Variants in CAPZA2 observed in about 807,000 individuals in gnomAD.
CAPZA2 encodes the protein capping actin protein of muscle Z-line subunit alpha 2.
In CAPZA2, 13 loss-of-function variants were observed where a neutral mutation model predicts 44.0. The ratio of observed to expected loss-of-function variants is 0.30; its 90% CI spans 0.19 to 0.47. CAPZA2 has a LOEUF of 0.47. CAPZA2 is among the 20% of genes least tolerant of loss of function. CAPZA2 has a pLI of 1.00. For synonymous variants in CAPZA2, 94 were observed against 108.2 expected (o/e 0.87, Z 0.81); for missense variants, 244 against 338.6 (o/e 0.72, Z 2.19).
intron 1 of CAPZA2, among the ~76,000 whole-genome samples, chr7:116,885,217 G>A (rs1325939695): frequency 6.6e-6 from 1 of 151,522 alleles, no homozygotes; most frequent in Non-Finnish European, 1.5e-5. Flanking sequence ...CCACAGAGCA[G>A]GTTTTACATT....
intron 4 of CAPZA2, among the ~76,000 whole-genome samples, chr7:116,899,650 G>C (rs529881736): frequency 5.9e-5 from 5 of 84,150 alleles, no homozygotes; most frequent in Non-Finnish European, 1.1e-4. Flanking sequence ...TTATCTCTGG[G>C]AAGATTTGGG....
At position 116,920,244 on chromosome 7, in the gene CAPZA2, CAAAATAATA is replaced by C. The variant is rs2061103313; in HGVS notation, c.*2379_*2387del. ...TGGGTGACACAGGGAGCCTCTGTCTCAAAATAATAATAATAATAAAAGAATGGCATTTAT... is the reference window on the plus strand; with the variant it reads ...TGGGTGACACAGGGAGCCTCTGTCTCATAATAATAAAAGAATGGCATTTAT... On this transcript the variant is annotated 3_prime_UTR_variant, in exon 10 of 10. Coordinates refer to ENST00000361183, the MANE Select transcript of CAPZA2 (RefSeq NM_006136.3). 1 of 141,802 alleles carries C rather than the reference CAAAATAATA, an allele frequency of 7.1e-6. No homozygotes were observed. Among genetic ancestry groups the C allele is most frequent in the African/African-American group, 2.5e-5 (1 of 39,488 alleles). 8.8% of individuals were successfully genotyped at this position (141,802 alleles called of 1,614,324 possible).
intron 6 of CAPZA2, among the ~76,000 whole-genome samples, chr7:116,908,658 A>G (rs1466941540): frequency 1.3e-5 from 2 of 152,052 alleles, no homozygotes; most frequent in African/African-American, 2.4e-5. Context: ...TTTCATAATC[A>G]ATGGTTATAT....
At chr7:116,862,938 G>A (rs1302277122) in intron 1 of CAPZA2, among the ~76,000 whole-genome samples, 1 of 152,184 alleles carries the variant, frequency 6.6e-6, no homozygotes, top group Non-Finnish European at 1.5e-5. Flanking sequence ...CGCGGGCGCG[G>A]GGGAGGGCGG....
chr7:116,872,244 G>A (rs1796562962), intron 1 of CAPZA2, among the ~76,000 whole-genome samples: 1 of 152,128 alleles, frequency 6.6e-6, no homozygotes, highest in African/African-American at 2.4e-5. Flanking sequence ...ATTCTAGGGT[G>A]TATAAGGGAA....
intron 4 of CAPZA2, among the ~76,000 whole-genome samples, chr7:116,899,436 G>T (rs1013476931): frequency 6.6e-6 from 1 of 151,852 alleles, no homozygotes; most frequent in South Asian, 2.1e-4. Context: ...GAACATAAGA[G>T]AAAGTTCTTA....
Position 116,916,101 on chromosome 7 carries a change from A to C in CAPZA2, c.699A>C (p.Glu233Asp), listed in dbSNP as rs1791676191. ...CAAAAGAATTTATAAAGATTGTAGA[A>C]GCTGCAGAAAATGAATACCAGGTAT... ...QTAKEFIKIVEAAENEYQTAI... is the reference protein window; with the variant it reads ...QTAKEFIKIVDAAENEYQTAI... The change falls in exon 9 of 10, where the codon GAA (glutamate) becomes GAC (aspartate). Residue 233 changes from glutamate to aspartate, a missense_variant. Transcript: ENST00000361183. 6.5e-7 allele frequency: 1 copy of C among 1,542,146 alleles called. No homozygotes were observed. Among genetic ancestry groups the C allele is most frequent in the Non-Finnish European group, 8.7e-7 (1 of 1,150,642 alleles).
chr7:116,906,298 T>C lies in CAPZA2; in HGVS notation c.462T>C (p.Ile154=). Residue 154 remains isoleucine (I), a synonymous_variant, in exon 6 of 10, where the codon ATT becomes ATC. Coordinates refer to ENST00000361183, the MANE Select transcript of CAPZA2 (RefSeq NM_006136.3). ...AAAAAATAGATGGACAGCAAACCAT[T>C]ATTGCATGCATAGAAAGCCATCAGT... The part of the protein sequence containing the change: ...YGKKIDGQQT[I]IACIESHQFQ... 6.2e-7 allele frequency: 1 copy of C among 1,612,988 alleles called. No homozygotes were observed. Among genetic ancestry groups the C allele is most frequent in the Non-Finnish European group, 8.5e-7 (1 of 1,179,798 alleles).
intron 1 of CAPZA2, among the ~76,000 whole-genome samples, chr7:116,870,492 C>T (rs1384317477): frequency 6.6e-6 from 1 of 152,120 alleles, no homozygotes; most frequent in Non-Finnish European, 1.5e-5. Context: ...AGGGTTTTTC[C>T]ATCTCATCAA....
At chr7:116,874,644 A>T (rs957454666) in intron 1 of CAPZA2, 1 of 152,224 alleles carries the variant, frequency 6.6e-6, no homozygotes, top group Non-Finnish European at 1.5e-5. Flanking sequence ...GCATCTCCTG[A>T]CACTTGACAA....
intron 1 of CAPZA2, among the ~76,000 whole-genome samples, chr7:116,865,180 T>C (rs1261805622): frequency 3.0e-5 from 4 of 134,510 alleles, no homozygotes; most frequent in South Asian, 2.5e-4. Context: ...CTCTCTTCTT[T>C]TTTTTTTTTT....
intron 8 of CAPZA2, among the ~76,000 whole-genome samples, chr7:116,914,081 G>A (rs1382290972): frequency 7.2e-6 from 1 of 139,822 alleles, no homozygotes; most frequent in African/African-American, 2.7e-5. Flanking sequence ...AGGCTGGACT[G>A]CAGTGGCGCT....
intron 2 of CAPZA2, among the ~76,000 whole-genome samples, chr7:116,891,613 G>A (rs369080852): frequency 1.3e-5 from 2 of 152,114 alleles, no homozygotes; most frequent in South Asian, 2.1e-4. Context: ...CCGGGTTCAC[G>A]CCATTCTCCT....
chr7:116,893,087 G>A lies in CAPZA2; in HGVS notation c.155+42G>A, dbSNP rs1796871296. The A allele has an allele frequency of 4.6e-6, 6 of 1,308,148 alleles. No individual in the cohort carries two copies. In the South Asian group the frequency reaches 6.7e-5, roughly 15 times the overall value. The allele number at this position is 1,308,148 out of a possible 1,614,324, so 81.0% of individuals were successfully genotyped here. The stretch of plus-strand genomic sequence containing the variant: ...ATACTAACCTAACTAAAATGACATG[G>A]GAAAACGAGAGATGCTTTAAAAGTG... On this transcript the variant is annotated intron_variant, in intron 3 of 9. Coordinates refer to ENST00000361183, the MANE Select transcript of CAPZA2 (RefSeq NM_006136.3).
In CAPZA2 at chr7:116,919,373, A is replaced by G. The variant is rs1388061482; in HGVS notation, c.*1506A>G. Reference sequence around the variant, plus strand: ...TTATCTGTTCCTTTTTAAAATATATATATTTGAAAGTTTGATGATGGTGAA... The same window carrying G: ...TTATCTGTTCCTTTTTAAAATATATGTATTTGAAAGTTTGATGATGGTGAA... On this transcript the variant is annotated 3_prime_UTR_variant, in exon 10 of 10. Coordinates refer to ENST00000361183, the MANE Select transcript of CAPZA2 (RefSeq NM_006136.3). 2.0e-5 allele frequency: 3 copies of G among 152,410 alleles called. No homozygotes were observed. The highest frequency in any genetic ancestry group is 6.5e-5 in the Admixed American group (1 of 15,268). The allele number at this position is 152,410 out of a possible 1,614,324, so 9.4% of individuals were successfully genotyped here. A position where few individuals can be genotyped will look rare whatever the true frequency, so the allele number is the denominator to read the frequency against.
intron 3 of CAPZA2, among the ~76,000 whole-genome samples, chr7:116,898,482 A>C (rs1435283989): frequency 6.6e-6 from 1 of 152,068 alleles, no homozygotes; most frequent in Non-Finnish European, 1.5e-5. Flanking sequence ...TGCATCTCTT[A>C]TCAGTAACTA....
At chr7:116,888,480 G>A (rs938356450) in intron 2 of CAPZA2, 10 of 251,708 alleles carry the variant, frequency 4.0e-5, no homozygotes, top group Non-Finnish European at 4.5e-5. Context: ...TTGGTAAATG[G>A]TTTTATTTAA....
At chr7:116,900,022 T>C (rs1015693697) in intron 4 of CAPZA2, among the ~76,000 whole-genome samples, 54 of 151,662 alleles carry the variant, frequency 3.6e-4, no homozygotes, top group African/African-American at 1.3e-3. Context: ...GTAAGACATA[T>C]TGGTCTTACA....
At chr7:116,891,389 G>T (rs947802652) in intron 2 of CAPZA2, among the ~76,000 whole-genome samples, 1 of 152,146 alleles carries the variant, frequency 6.6e-6, no homozygotes, top group Non-Finnish European at 1.5e-5. Context: ...AAAAATAACA[G>T]TAATTATAAA....
Sources: allele counts gnomAD v4.1 joint callset (sites outside exome capture counted in the v4.1 genomes callset), GRCh38; gene constraint gnomAD v4.1.1; transcripts MANE v1.5; gene names NCBI Gene and HGNC (gene_info 2026-07-23, HGNC 2026-07-21).